Variants in COG8 observed in about 807,000 individuals in gnomAD.
The protein encoded by COG8 is conserved oligomeric Golgi complex subunit 8.
Under a neutral mutation model 46.5 loss-of-function variants are expected in COG8, and 45 were observed. The observed-to-expected ratio is 0.97, with a 90% confidence interval of 0.76 to 1.24. The LOEUF (loss-of-function observed/expected upper bound fraction) is 1.24, where lower values mean the gene tolerates loss of function less well. Ranked by LOEUF, COG8 falls within the 50% of genes most tolerant of loss-of-function variation. The probability of loss-of-function intolerance (pLI) is 0.00; values close to 1 mark genes in which losing one functional copy is unlikely to be tolerated. For missense variants in COG8, 793 were observed against 820.8 expected (o/e 0.97, Z 0.41); for synonymous variants, 407 against 347.8 (o/e 1.17, Z -1.90).
chr16:69,330,330 G>A (rs1292350397), intron 5 of COG8: 3 of 1,454,144 alleles, frequency 2.1e-6, no homozygotes, highest in African/African-American at 1.5e-5. Flanking sequence ...CGCTCCACCG[G>A]GGCCGCCACG....
chr16:69,330,188 G>A (rs1421665561), intron 5 of COG8: 4 of 1,483,616 alleles, frequency 2.7e-6, no homozygotes, highest in Non-Finnish European at 3.6e-6. Context: ...CAGCGCCTCG[G>A]GGAGCTCCAG....
In COG8 at chr16:69,336,482, T is replaced by TC. The variant is rs756794179; in HGVS notation, c.585+22dup. On this transcript the variant is annotated intron_variant, in intron 2 of 5. Coordinates refer to ENST00000306875, the MANE Select transcript of COG8 (RefSeq NM_032382.5). ...ATGATTACAAGAACATTACTTTGAG[T>TC]CCTCTCTGGGCAAGGTGGCTACCTG... is the stretch of plus-strand genomic sequence containing the variant. The TC allele has an allele frequency of 3.7e-6, 6 of 1,607,868 alleles. No homozygotes were observed. The South Asian group carries it at 6.6e-5, about 18-fold the overall frequency.
At chr16:69,331,198 A>G in intron 4 of COG8, 103 bp from the exon 5 acceptor site, 2 of 1,320,880 alleles carry the variant, frequency 1.5e-6, no homozygotes, top group Non-Finnish European at 2.1e-6. Context: ...CTGTAATCCC[A>G]GCACTTTGGG....
In COG8 at chr16:69,326,847, C is replaced by T. The variant is rs781384149; in HGVS notation, c.*2359G>A. ...TTCTAAAACTCTGATGAGCTCACAACGTTGACATGTATATGCGTTTTTTGT... is the reference window on the plus strand; with the variant it reads ...TTCTAAAACTCTGATGAGCTCACAATGTTGACATGTATATGCGTTTTTTGT... On this transcript the variant is annotated 3_prime_UTR_variant, in exon 6 of 6. Transcript: ENST00000306875. The T allele has an allele frequency of 3.9e-5, 6 of 152,172 alleles. No homozygotes were observed. Among genetic ancestry groups the T allele is most frequent in the Admixed American group, 6.5e-5 (1 of 15,276 alleles). 9.4% of individuals were successfully genotyped at this position (152,172 alleles called of 1,614,324 possible). A position where few individuals can be genotyped will look rare whatever the true frequency, so the allele number is the denominator to read the frequency against.
intron 5 of COG8, chr16:69,330,066 GA>G: frequency 6.4e-7 from 1 of 1,561,374 alleles, no homozygotes; most frequent in Non-Finnish European, 8.7e-7. Context: ...CAGCCCTCGG[GA>G]AAGGTGACCA....
At chr16:69,339,019 AC>A in intron 1 of COG8, 156 bp downstream of exon 1, 1 of 978,582 alleles carries the variant, frequency 1.0e-6, no homozygotes, top group South Asian at 1.5e-5. Flanking sequence ...GAATAACAGT[AC>A]CTATCTCGAA....
intron 1 of COG8, among the ~76,000 whole-genome samples, 158 bp from the exon 2 acceptor site, chr16:69,336,870 T>G (rs1018980910): frequency 2.0e-5 from 3 of 152,262 alleles, no homozygotes; most frequent in Middle Eastern, 3.4e-3. Flanking sequence ...TTGAGGAAAT[T>G]TTTAATCCCA....
At chr16:69,329,898 G>C (rs1375275313) in intron 5 of COG8, 2 of 1,356,890 alleles carry the variant, frequency 1.5e-6, no homozygotes, top group Non-Finnish European at 1.9e-6. Flanking sequence ...TCCTGCGGGA[G>C]GTCCGGCGTA....
At position 69,337,310 on chromosome 16, in the gene COG8, C is replaced by A. The variant is rs533779085; in HGVS notation, c.378-598G>T. 2.6e-5 allele frequency among the ~76,000 whole-genome samples: 4 copies of A among 151,116 alleles called. No individual in the cohort carries two copies. The East Asian group carries it at 5.8e-4, about 22-fold the overall frequency. ...AAAAAAAAAAAAAAAGTATATAGGA[C>A]CCTCCTCATAAGGGTGTAAGAACTA... is the stretch of plus-strand genomic sequence containing the variant. On this transcript the variant is annotated intron_variant, in intron 1 of 5. Coordinates refer to ENST00000306875, the MANE Select transcript of COG8 (RefSeq NM_032382.5).
chr16:69,337,180 C>T (rs2012250374), intron 1 of COG8, among the ~76,000 whole-genome samples: 1 of 151,208 alleles, frequency 6.6e-6, no homozygotes, highest in Non-Finnish European at 1.5e-5. Flanking sequence ...ACTCAGGAGG[C>T]TGAGGCAGGA....
In COG8 at chr16:69,329,195, C is replaced by T. The variant is rs747592972; in HGVS notation, c.*27-16G>A. 1.3e-6 allele frequency: 2 copies of T among 1,581,834 alleles called. No homozygotes were observed. The highest frequency in any genetic ancestry group is 2.3e-5 in the South Asian group (2 of 87,314). The stretch of plus-strand genomic sequence containing the variant: ...GGGTCCAGCCCTGCAAAGGAAGTTA[C>T]AGCCCTGGTGAGTGGGAACAGCTGA... On this transcript the variant is annotated splice_polypyrimidine_tract_variant and intron_variant, in intron 5 of 5. Transcript: ENST00000306875.
intron 2 of COG8, among the ~76,000 whole-genome samples, chr16:69,336,071 G>T (rs539073490): frequency 6.6e-6 from 1 of 152,124 alleles, no homozygotes; most frequent in Admixed American, 6.5e-5. Context: ...TCTCTCCCCA[G>T]ATCTTTGTGG....
At position 69,336,525 on chromosome 16, in the gene COG8, A is replaced by G. The variant is rs1180819465; in HGVS notation, c.565T>C (p.Ser189Pro). Reference protein sequence around the residue: ...AYVRRLERKYSSIPVIQGIVN... With the variant: ...AYVRRLERKYPSIPVIQGIVN... The stretch of plus-strand genomic sequence containing the variant: ...GCTACCTGGATGACAGGGATGGAAG[A>G]GTATTTCCTCTCCAGTCGGCGTACG... Residue 189 changes from serine (S) to proline (P), a missense_variant, in exon 2 of 6, where the codon TCT becomes CCT. Physicochemically the swap from Ser to Pro is moderately conservative, Grantham distance 74 (BLOSUM62 -1). Transcript: ENST00000306875. 2 of 1,614,080 alleles carry G rather than the reference A, an allele frequency of 1.2e-6. No individual in the cohort carries two copies. Among genetic ancestry groups the G allele is most frequent in the Non-Finnish European group, 1.7e-6 (2 of 1,180,050 alleles).
chr16:69,339,430 G>A lies in COG8; in HGVS notation c.123C>T (p.Arg41=), dbSNP rs1380191341. Residue 41 remains arginine, a synonymous_variant, in exon 1 of 6, where the codon CGC becomes CGT. Coordinates refer to ENST00000306875, the MANE Select transcript of COG8 (RefSeq NM_032382.5). The part of the protein sequence containing the change: ...FRDRFPEAQW[R]ERPDVGRYLR... The stretch of plus-strand genomic sequence containing the variant: ...GGTAGCGGCCCACATCGGGCCGCTC[G>A]CGCCACTGGGCCTCGGGGAAGCGGT... 1 of 1,586,592 alleles carries A rather than the reference G, an allele frequency of 6.3e-7. No individual in the cohort carries two copies. Among genetic ancestry groups the A allele is most frequent in the Non-Finnish European group, 8.5e-7 (1 of 1,171,906 alleles).
rs1029033156 is a variant in COG8 at position 69,331,160 on chromosome 16, A to C, written c.1583-65T>G. 52 of 1,586,004 alleles carry C rather than the reference A, an allele frequency of 3.3e-5. No homozygotes were observed. The Admixed American group carries it at 3.6e-4, about 11-fold the overall frequency. Reference sequence around the variant, plus strand: ...CTAATAAAACTCAATATAGAAATTTAAGGGAGGCCGGGCGCGGTGGCTCAC... The same window carrying C: ...CTAATAAAACTCAATATAGAAATTTCAGGGAGGCCGGGCGCGGTGGCTCAC... On this transcript the variant is annotated intron_variant, in intron 4 of 5. Transcript: ENST00000306875.
chr16:69,329,133 C>T lies in COG8; in HGVS notation c.*73G>A, dbSNP rs1215066535. 5 of 1,608,790 alleles carry T rather than the reference C, an allele frequency of 3.1e-6. No individual in the cohort carries two copies. Among genetic ancestry groups the T allele is most frequent in the Non-Finnish European group, 4.2e-6 (5 of 1,179,022 alleles). On this transcript the variant is annotated 3_prime_UTR_variant, in exon 6 of 6. Coordinates refer to ENST00000306875, the MANE Select transcript of COG8 (RefSeq NM_032382.5). The stretch of plus-strand genomic sequence containing the variant: ...TCTCGTGCTGGATGATGCGGGCTGC[C>T]CACCCGCTCGCCTGCCACACCACCT...
At chr16:69,330,398 C>T (rs2011705960) in intron 5 of COG8, 1 of 1,479,750 alleles carries the variant, frequency 6.8e-7, no homozygotes. Flanking sequence ...TTCGGGAGGA[C>T]CCAGCACCAG....
chr16:69,338,931 T>G (rs944063802), intron 1 of COG8: 2 of 558,446 alleles, frequency 3.6e-6, no homozygotes, highest in Non-Finnish European at 3.1e-6. Context: ...CAGAGGTAGG[T>G]TGCAGCGAGC....
intron 3 of COG8, among the ~76,000 whole-genome samples, chr16:69,333,156 C>T (rs907131429): frequency 6.7e-6 from 1 of 149,064 alleles, no homozygotes; most frequent in Non-Finnish European, 1.5e-5. Context: ...AGAGAGAATA[C>T]ATGGTTTTGG....
Sources: allele counts gnomAD v4.1 joint callset (sites outside exome capture counted in the v4.1 genomes callset), GRCh38; gene constraint gnomAD v4.1.1; transcripts MANE v1.5; gene names NCBI Gene and HGNC (gene_info 2026-07-23, HGNC 2026-07-21).